NCALD: variants seen among roughly 807,000 people sequenced by gnomAD.
NCALD encodes neurocalcin-delta.
Under a neutral mutation model 18.6 loss-of-function variants are expected in NCALD, and 10 were observed. The ratio of observed to expected loss-of-function variants is 0.54; its 90% CI spans 0.33 to 0.91. The LOEUF is 0.91. NCALD is among the 40% of genes least tolerant of loss of function. The pLI, the probability that NCALD is intolerant of heterozygous loss-of-function variation, is 0.03. For synonymous variants in NCALD, 88 were observed against 87.4 expected, an observed-to-expected ratio of 1.01 and a Z score of -0.04; for missense variants, 184 against 247.6, an observed-to-expected ratio of 0.74 and a Z score of 1.72.
chr8:102,104,793 G>T (rs1333132344), intron 1 of NCALD, among the ~76,000 whole-genome samples: 6 of 152,226 alleles, frequency 3.9e-5, no homozygotes, highest in Non-Finnish European at 7.3e-5. Flanking sequence ...TGTGTGGGGA[G>T]TGGAAGGAGA....
chr8:101,841,173 T>C (rs16868516), intron 4 of NCALD, among the ~76,000 whole-genome samples: 12,342 of 152,236 alleles, frequency 0.081, 1,084 homozygotes, highest in African/African-American at 0.22. Flanking sequence ...ATCTTTCTAA[T>C]TCACTGGGTC....
chr8:101,811,281 T>C (rs1196911724), intron 4 of NCALD, among the ~76,000 whole-genome samples: 1 of 151,954 alleles, frequency 6.6e-6, no homozygotes, highest in Non-Finnish European at 1.5e-5. Context: ...AAGGTAGAAA[T>C]AGGGCAGCAT....
chr8:101,934,253 C>G (rs1818677211), intron 2 of NCALD, among the ~76,000 whole-genome samples: 1 of 152,086 alleles, frequency 6.6e-6, no homozygotes, highest in Non-Finnish European at 1.5e-5. Flanking sequence ...AAGGGGCAAA[C>G]AGAGGAGACA....
chr8:101,710,207 T>C (rs919409022), intron 2 of NCALD, among the ~76,000 whole-genome samples: 1 of 152,168 alleles, frequency 6.6e-6, no homozygotes, highest in African/African-American at 2.4e-5. Flanking sequence ...AGGGAAGCCA[T>C]GCTGTGAGGA....
At chr8:101,820,982 A>G (rs1563800268) in intron 4 of NCALD, among the ~76,000 whole-genome samples, 1 of 152,188 alleles carries the variant, frequency 6.6e-6, no homozygotes, top group Non-Finnish European at 1.5e-5. Flanking sequence ...GTAAATCAAA[A>G]CATGAAGTTC....
intron 3 of NCALD, 43 bp downstream of exon 3, chr8:101,692,748 G>A (rs1435838257): frequency 2.6e-6 from 4 of 1,552,438 alleles, no homozygotes; most frequent in Non-Finnish European, 3.6e-6. Context: ...AGTCCTTCCA[G>A]CAGCCCCCAT....
At chr8:102,082,224 CTCTTTTTTT>C (rs1349980358) in intron 1 of NCALD, among the ~76,000 whole-genome samples, 3 of 109,406 alleles carry the variant, frequency 2.7e-5, no homozygotes, top group African/African-American at 1.1e-4. Context: ...GAGAAGCTCT[CTCTTTTTTT>C]TTTTTTTTTT....
intron 3 of NCALD, among the ~76,000 whole-genome samples, chr8:101,900,214 G>T (rs73280888): frequency 0.068 from 10,280 of 151,834 alleles, 724 homozygotes; most frequent in African/African-American, 0.18. Context: ...TGTCCCCTTT[G>T]TAATTCCAGA....
chr8:102,055,272 A>T (rs1453103785), intron 1 of NCALD, among the ~76,000 whole-genome samples: 27 of 151,254 alleles, frequency 1.8e-4, no homozygotes, highest in Admixed American at 1.7e-3. Flanking sequence ...AAAAAGAAGA[A>T]GAAGCCGGTG....
At chr8:101,749,057 T>A (rs1205040789) in intron 1 of NCALD, among the ~76,000 whole-genome samples, 2 of 152,252 alleles carry the variant, frequency 1.3e-5, no homozygotes, top group African/African-American at 2.4e-5. Flanking sequence ...GTCAGTTTCA[T>A]GAGTTTAATT....
At chr8:101,864,420 G>C (rs895367339) in intron 4 of NCALD, among the ~76,000 whole-genome samples, 1 of 152,144 alleles carries the variant, frequency 6.6e-6, no homozygotes, top group Non-Finnish European at 1.5e-5. Context: ...TGGCTCCATG[G>C]AAAAGTAGAA....
chr8:101,694,104 T>C (rs1172762732), intron 2 of NCALD: 1 of 152,170 alleles, frequency 6.6e-6, no homozygotes, highest in African/African-American at 2.4e-5. Flanking sequence ...GAAAAGTCAT[T>C]GTTTTTATCC....
intron 3 of NCALD, among the ~76,000 whole-genome samples, chr8:101,901,063 T>C (rs2131563773): frequency 6.6e-6 from 1 of 152,236 alleles, no homozygotes; most frequent in Middle Eastern, 3.4e-3. Context: ...TTTGCTATGT[T>C]GTTTTGGTAG....
chr8:101,963,332 C>CAGG (rs1819904263), intron 2 of NCALD, among the ~76,000 whole-genome samples: 2 of 152,150 alleles, frequency 1.3e-5, no homozygotes, highest in Non-Finnish European at 2.9e-5. Flanking sequence ...TCTCCTTTTC[C>CAGG]TGGTTTTTTG....
At position 101,714,929 on chromosome 8, in the gene NCALD, G is replaced by A. The variant is rs1023707685; in HGVS notation, c.378+4323C>T. Among the ~76,000 whole-genome samples the A allele has an allele frequency of 6.0e-5, 9 of 150,462 alleles. 1 individual carries two copies. Among genetic ancestry groups the A allele is most frequent in the East Asian group, 2.0e-4 (1 of 5,118 alleles). On this transcript the variant is annotated intron_variant, in intron 2 of 3. Coordinates refer to ENST00000220931, the MANE Select transcript of NCALD (RefSeq NM_032041.3). Reference sequence around the variant, plus strand: ...GGAGAATGGCGTGAACCCGGGAAGCGGAGCTTGCAGTGAGCCGAGATTGCG... The same window carrying A: ...GGAGAATGGCGTGAACCCGGGAAGCAGAGCTTGCAGTGAGCCGAGATTGCG...
chr8:101,725,287 C>T (rs1265503991), intron 1 of NCALD, among the ~76,000 whole-genome samples: 2 of 152,218 alleles, frequency 1.3e-5, no homozygotes, highest in Non-Finnish European at 2.9e-5. Flanking sequence ...AGCAACTGAG[C>T]ATCACAGACT....
chr8:102,070,190 A>T (rs949002834), intron 1 of NCALD: 3 of 152,144 alleles, frequency 2.0e-5, no homozygotes, highest in Non-Finnish European at 4.4e-5. Flanking sequence ...CTATTTCTAG[A>T]TGGTAGGAGT....
chr8:101,884,940 C>CA (rs1206607437), intron 4 of NCALD, among the ~76,000 whole-genome samples: 1 of 152,128 alleles, frequency 6.6e-6, no homozygotes. Context: ...ATTCTGTTGA[C>CA]AAAATCAATG....
chr8:102,054,772 TGATA>T (rs1823588716), intron 1 of NCALD, among the ~76,000 whole-genome samples: 1 of 152,028 alleles, frequency 6.6e-6, no homozygotes, highest in Non-Finnish European at 1.5e-5. Flanking sequence ...TATTGATAGA[TGATA>T]GATGATAGAT....
Sources: gnomAD v4.1 joint callset for allele counts (sites outside exome capture counted in the v4.1 genomes callset) on GRCh38, gnomAD v4.1.1 for gene constraint, MANE v1.5 for transcripts, NCBI Gene and HGNC (gene_info 2026-07-23, HGNC 2026-07-21) for gene names.